Variants in CACNB2 observed in about 807,000 individuals in gnomAD.
CACNB2 encodes the protein calcium voltage-gated channel auxiliary subunit beta 2.
Under a neutral mutation model 73.3 loss-of-function variants are expected in CACNB2, and 42 were observed. That is an observed-to-expected ratio of 0.57 (90% CI 0.45 to 0.74). The LOEUF is 0.74. CACNB2 is among the 30% of genes least tolerant of loss of function. The pLI is 0.00. For synonymous variants in CACNB2, 348 were observed against 310.3 expected, an observed-to-expected ratio of 1.12 and a Z score of -1.28; for missense variants, 940 against 853.0, an observed-to-expected ratio of 1.10 and a Z score of -1.27.
At chr10:18,450,763 C>T (rs2046983188) in intron 3 of CACNB2, among the ~76,000 whole-genome samples, 1 of 151,552 alleles carries the variant, frequency 6.6e-6, no homozygotes, top group Admixed American at 6.6e-5. Flanking sequence ...GCTGGGATTA[C>T]AGGTGTGCAC....
chr10:18,424,861 T>G lies in CACNB2; in HGVS notation c.333+22818T>G, dbSNP rs1012595631. On this transcript the variant is annotated intron_variant, in intron 3 of 13. Coordinates refer to ENST00000324631, the MANE Select transcript of CACNB2 (RefSeq NM_201596.3). The stretch of plus-strand genomic sequence containing the variant: ...AGTAGGGGATGTGGCACAATCAATC[T>G]GTTCTCTGTCCATGGGCATTTAAGG... Among the ~76,000 whole-genome samples, 6 of 152,370 alleles carry G rather than the reference T, an allele frequency of 3.9e-5. No homozygotes were observed. In the East Asian group the frequency reaches 1.2e-3, roughly 29 times the overall value.
intron 2 of CACNB2, among the ~76,000 whole-genome samples, chr10:18,251,631 G>A (rs902633229): frequency 2.0e-4 from 30 of 152,160 alleles, no homozygotes; most frequent in African/African-American, 6.5e-4. Flanking sequence ...CTGAGACTGG[G>A]TAACTTATGA....
rs1554824204 is a variant in CACNB2, at chr10:18,464,418, T to TAAAATAAAAAAAAAAAAAAAAAA, written c.334-33933_334-33932insTAAAAAAAAAAAAAAAAAAAAAA. 4.6e-3 allele frequency among the ~76,000 whole-genome samples: 394 copies of TAAAATAAAAAAAAAAAAAAAAAA among 85,224 alleles called. 14 individuals carry two copies. The highest frequency in any genetic ancestry group is 7.4e-3 in the South Asian group (14 of 1,886). The allele number at this position is 85,224 out of a possible 152,430, so 55.9% of individuals were successfully genotyped here. ...CAGAGTGAGACCCTGTCTCAAAAAT[T>TAAAATAAAAAAAAAAAAAAAAAA]AAAAAAAAAAAAAAAAAAAAAAGAA... On this transcript the variant is annotated intron_variant, in intron 3 of 13. Coordinates refer to ENST00000324631, the MANE Select transcript of CACNB2 (RefSeq NM_201596.3).
At chr10:18,306,653 G>T (rs2039740686) in intron 2 of CACNB2, among the ~76,000 whole-genome samples, 1 of 152,180 alleles carries the variant, frequency 6.6e-6, no homozygotes, top group African/African-American at 2.4e-5. Context: ...TAACCCCAGA[G>T]AAAATGTCTA....
chr10:18,467,013 G>T (rs7070582), intron 3 of CACNB2, among the ~76,000 whole-genome samples: 43,646 of 151,824 alleles, frequency 0.29, 7,211 homozygotes, highest in Non-Finnish European at 0.37. Flanking sequence ...AATTAGCCGG[G>T]CATGGTGGCA....
intron 2 of CACNB2, among the ~76,000 whole-genome samples, chr10:18,188,422 T>C (rs1001647733): frequency 6.6e-6 from 1 of 152,116 alleles, no homozygotes; most frequent in Non-Finnish European, 1.5e-5. Flanking sequence ...TCTTCCCGCC[T>C]CAGCTTCCCA....
chr10:18,492,640 A>AAAG, intron 3 of CACNB2, among the ~76,000 whole-genome samples: 1 of 126,398 alleles, frequency 7.9e-6, no homozygotes, highest in African/African-American at 4.0e-5. Context: ...AAAAAAAAAG[A>AAAG]AAAAAAGAAA....
chr10:18,144,510 A>G (rs1477568303), intron 1 of CACNB2, among the ~76,000 whole-genome samples: 1 of 152,248 alleles, frequency 6.6e-6, no homozygotes, highest in African/African-American at 2.4e-5. Context: ...ACCTGGACAC[A>G]GTCTACTTCC....
chr10:18,382,141 A>G (rs142124464), intron 2 of CACNB2, among the ~76,000 whole-genome samples: 27 of 152,170 alleles, frequency 1.8e-4, no homozygotes, highest in African/African-American at 6.3e-4. Context: ...GCTAAAAATT[A>G]ATCTTAAATA....
At chr10:18,448,490 A>AG (rs2046850659) in intron 3 of CACNB2, among the ~76,000 whole-genome samples, 1 of 150,552 alleles carries the variant, frequency 6.6e-6, no homozygotes, top group African/African-American at 2.5e-5. Flanking sequence ...AAAAAAAAAA[A>AG]AAAAAAAAAA....
chr10:18,213,348 A>C (rs2035393197), intron 2 of CACNB2, among the ~76,000 whole-genome samples: 1 of 152,144 alleles, frequency 6.6e-6, no homozygotes, highest in African/African-American at 2.4e-5. Flanking sequence ...GATTTTTAAG[A>C]GTATGTGGAA....
intron 2 of CACNB2, among the ~76,000 whole-genome samples, chr10:18,315,797 G>A (rs529380064): frequency 8.5e-5 from 13 of 152,186 alleles, no homozygotes; most frequent in African/African-American, 2.7e-4. Flanking sequence ...GATGTGTAGC[G>A]CTTTCCAATT....
At chr10:18,333,719 G>A (rs2040893135) in intron 2 of CACNB2, among the ~76,000 whole-genome samples, 1 of 152,182 alleles carries the variant, frequency 6.6e-6, no homozygotes, top group African/African-American at 2.4e-5. Flanking sequence ...GCATGGTCTT[G>A]TATAATCAAA....
chr10:18,216,076 A>C (rs2035498649), intron 2 of CACNB2, among the ~76,000 whole-genome samples: 1 of 151,674 alleles, frequency 6.6e-6, no homozygotes, highest in Non-Finnish European at 1.5e-5. Flanking sequence ...CGGGTGGATC[A>C]CCTAAGGTCA....
intron 2 of CACNB2, among the ~76,000 whole-genome samples, chr10:18,284,170 G>A (rs2038684627): frequency 6.6e-6 from 1 of 152,206 alleles, no homozygotes; most frequent in South Asian, 2.1e-4. Flanking sequence ...AGAAGGCAAA[G>A]AAGAGCAAAG....
chr10:18,311,150 CT>C (rs1258131730), intron 2 of CACNB2, among the ~76,000 whole-genome samples: 1 of 151,972 alleles, frequency 6.6e-6, no homozygotes, highest in Admixed American at 6.6e-5. Flanking sequence ...TTTTGTTTCC[CT>C]GAAATTGGTT....
intron 2 of CACNB2, among the ~76,000 whole-genome samples, chr10:18,155,080 A>C (rs1288353430): frequency 6.6e-6 from 1 of 152,206 alleles, no homozygotes; most frequent in African/African-American, 2.4e-5. Context: ...ATATATGCCA[A>C]AAAGTGCACA....
intron 2 of CACNB2, among the ~76,000 whole-genome samples, chr10:18,348,899 G>A (rs1437130534): frequency 6.6e-6 from 1 of 152,132 alleles, no homozygotes. Context: ...TGGGAAGATC[G>A]TTTGAGCTCA....
chr10:18,328,331 T>C (rs1292356373), intron 2 of CACNB2, among the ~76,000 whole-genome samples: 1 of 152,210 alleles, frequency 6.6e-6, no homozygotes, highest in Admixed American at 6.5e-5. Context: ...TAGGGTGGGA[T>C]TCAATAGTTG....
Sources: allele counts gnomAD v4.1 joint callset (sites outside exome capture counted in the v4.1 genomes callset), GRCh38; gene constraint gnomAD v4.1.1; transcripts MANE v1.5; gene names NCBI Gene and HGNC (gene_info 2026-07-23, HGNC 2026-07-21).